The following SHANK2 variants were observed in gnomAD, a reference collection of about 807,000 sequenced individuals.
SHANK2 encodes SH3 and multiple ankyrin repeat domains protein 2.
Under a neutral mutation model 133.7 loss-of-function variants are expected in SHANK2, and 43 were observed. That is an observed-to-expected ratio of 0.32 (90% CI 0.25 to 0.41). The LOEUF is 0.41. Among genes scored for constraint, SHANK2 ranks in the 10% least tolerant of loss-of-function variants. The pLI, the probability that SHANK2 is intolerant of heterozygous loss-of-function variation, is 1.00. For synonymous variants in SHANK2, 1,017 were observed against 952.8 expected (o/e 1.07, Z -1.24); for missense variants, 1,994 against 2,235.8 (o/e 0.89, Z 2.18).
At chr11:70,728,957 C>A (rs1239753088) in intron 14 of SHANK2, among the ~76,000 whole-genome samples, 1 of 152,124 alleles carries the variant, frequency 6.6e-6, no homozygotes, top group Non-Finnish European at 1.5e-5. Flanking sequence ...GTAATCCTAG[C>A]ACTTTGGGAG....
chr11:70,720,507 G>A (rs1032493664), intron 14 of SHANK2, among the ~76,000 whole-genome samples: 6 of 152,212 alleles, frequency 3.9e-5, no homozygotes, highest in Non-Finnish European at 8.8e-5. Context: ...GCCATGAGGA[G>A]AACCCATGAG....
intron 3 of SHANK2, among the ~76,000 whole-genome samples, chr11:71,138,883 G>A (rs1438955741): frequency 6.6e-6 from 1 of 151,964 alleles, no homozygotes; most frequent in Non-Finnish European, 1.5e-5. Flanking sequence ...GGACATCCCC[G>A]TCAGCAGATG....
chr11:71,107,474 T>C (rs1555098156), intron 6 of SHANK2, among the ~76,000 whole-genome samples: 4 of 152,156 alleles, frequency 2.6e-5, no homozygotes. Flanking sequence ...CCCAGAGGCT[T>C]GTCATCGTGG....
intron 17 of SHANK2, among the ~76,000 whole-genome samples, chr11:70,517,020 T>G (rs1416173184): frequency 6.6e-6 from 1 of 151,798 alleles, no homozygotes; most frequent in Non-Finnish European, 1.5e-5. Flanking sequence ...TTGCTGTGAG[T>G]CCAGATGGTG....
chr11:71,096,395 G>A (rs1347435125), intron 6 of SHANK2, among the ~76,000 whole-genome samples: 1 of 152,198 alleles, frequency 6.6e-6, no homozygotes, highest in Non-Finnish European at 1.5e-5. Context: ...AGGTGGAAAT[G>A]GGGCAGACGC....
intron 11 of SHANK2, among the ~76,000 whole-genome samples, chr11:70,868,532 T>C (rs144803059): frequency 5.9e-5 from 9 of 152,274 alleles, no homozygotes; most frequent in Non-Finnish European, 1.0e-4. Context: ...AAGTAACTTG[T>C]CCAAAGTCAC....
intron 14 of SHANK2, among the ~76,000 whole-genome samples, chr11:70,716,911 A>G (rs967454053): frequency 3.9e-5 from 4 of 101,356 alleles, no homozygotes; most frequent in Non-Finnish European, 5.9e-5. Context: ...CCCCCGCCCA[A>G]CTGGACCCCT....
intron 2 of SHANK2, among the ~76,000 whole-genome samples, chr11:71,162,403 A>C (rs185903714): frequency 2.1e-5 from 3 of 143,374 alleles, no homozygotes; most frequent in African/African-American, 7.4e-5. Flanking sequence ...ATTTAATCCC[A>C]ATTACCTCCC....
intron 17 of SHANK2, among the ~76,000 whole-genome samples, chr11:70,544,469 G>A (rs1235197267): frequency 2.0e-5 from 3 of 152,354 alleles, no homozygotes; most frequent in Middle Eastern, 3.4e-3. Flanking sequence ...GCAGCTGCCC[G>A]TGGGAGAGTG....
At chr11:70,851,458 G>C (rs1949085129) in intron 11 of SHANK2, among the ~76,000 whole-genome samples, 2 of 152,218 alleles carry the variant, frequency 1.3e-5, no homozygotes, top group Non-Finnish European at 2.9e-5. Flanking sequence ...GTCCTTATAG[G>C]AAAAGGGAAT....
At chr11:71,211,444 G>T (rs543925011) in intron 2 of SHANK2, among the ~76,000 whole-genome samples, 1 of 151,632 alleles carries the variant, frequency 6.6e-6, no homozygotes, top group African/African-American at 2.4e-5. Context: ...GGGCTGAGGC[G>T]AGAGAATCAC....
chr11:70,700,430 C>G (rs2134499500), intron 14 of SHANK2, among the ~76,000 whole-genome samples: 1 of 152,304 alleles, frequency 6.6e-6, no homozygotes, highest in Non-Finnish European at 1.5e-5. Flanking sequence ...AAGCCTTGCT[C>G]AGGGCCGTGG....
intron 13 of SHANK2, among the ~76,000 whole-genome samples, chr11:70,805,358 G>C (rs1555051595): frequency 6.6e-6 from 1 of 152,230 alleles, no homozygotes; most frequent in African/African-American, 2.4e-5. Context: ...TGGGCCTAGG[G>C]GGTGGCCCTG....
At chr11:70,725,993 C>G (rs1555030560) in intron 14 of SHANK2, among the ~76,000 whole-genome samples, 2 of 152,194 alleles carry the variant, frequency 1.3e-5, no homozygotes, top group African/African-American at 4.8e-5. Context: ...TATGCGTGAA[C>G]TCACACACAC....
At chr11:71,152,606 C>T (rs573137095) in intron 2 of SHANK2, among the ~76,000 whole-genome samples, 2 of 152,190 alleles carry the variant, frequency 1.3e-5, no homozygotes, top group Non-Finnish European at 2.9e-5. Flanking sequence ...TTGGTACCGG[C>T]TCTGGGGGTG....
At chr11:70,599,224 A>G (rs2060443629) in intron 17 of SHANK2, among the ~76,000 whole-genome samples, 1 of 152,220 alleles carries the variant, frequency 6.6e-6, no homozygotes, top group African/African-American at 2.4e-5. Flanking sequence ...AAAATATATC[A>G]TGAAGTGACA....
At chr11:70,652,337 G>A (rs2061347768) in intron 17 of SHANK2, among the ~76,000 whole-genome samples, 2 of 152,180 alleles carry the variant, frequency 1.3e-5, no homozygotes, top group South Asian at 2.1e-4. Flanking sequence ...AGTGTCCGAC[G>A]TACTTGGCAC....
At chr11:70,785,509 T>A (rs1000308732) in intron 14 of SHANK2, among the ~76,000 whole-genome samples, 1 of 152,176 alleles carries the variant, frequency 6.6e-6, no homozygotes, top group East Asian at 1.9e-4. Flanking sequence ...CCAAGCTCCA[T>A]CACCCGCTCA....
At chr11:70,803,182 T>C (rs1281924752) in intron 13 of SHANK2, among the ~76,000 whole-genome samples, 1 of 151,504 alleles carries the variant, frequency 6.6e-6, no homozygotes, top group Non-Finnish European at 1.5e-5. Context: ...CACTGCTATT[T>C]AGAAAACTCT....
Sources: gnomAD v4.1 joint callset for allele counts (sites outside exome capture counted in the v4.1 genomes callset) on GRCh38, gnomAD v4.1.1 for gene constraint, MANE v1.5 for transcripts, NCBI Gene and HGNC (gene_info 2026-07-23, HGNC 2026-07-21) for gene names.